GGTA1: variants seen among roughly 807,000 people sequenced by gnomAD.
GGTA1 encodes glycoprotein alpha-galactosyltransferase 1 (inactive), also known as inactive N-acetyllactosaminide alpha-1,3-galactosyltransferase.
A neutral mutation model predicts 2.6 loss-of-function variants in GGTA1; 5 were observed. The ratio of observed to expected loss-of-function variants is 1.92; its 90% CI spans 1.00 to 4.04. The LOEUF (loss-of-function observed/expected upper bound fraction) is 4.04, where lower values mean the gene tolerates loss of function less well. Ranked by LOEUF, GGTA1 falls within the 30% of genes most tolerant of loss-of-function variation. The probability of loss-of-function intolerance (pLI) is 0.00; values close to 1 mark genes in which losing one functional copy is unlikely to be tolerated. For synonymous variants in GGTA1, 17 were observed against 5.0 expected (o/e 3.38, Z -3.19); for missense variants, 50 against 16.7 (o/e 2.99, Z -3.47).
At chr9:121,497,088 G>T (rs1327781643) in intron 1 of GGTA1, among the ~76,000 whole-genome samples, 1 of 152,046 alleles carries the variant, frequency 6.6e-6, no homozygotes, top group African/African-American at 2.4e-5. Context: ...AGCTACTTGG[G>T]AGGCTGAGGT....
At chr9:121,493,633 G>C (rs925741783) in intron 1 of GGTA1, among the ~76,000 whole-genome samples, 9 of 147,254 alleles carry the variant, frequency 6.1e-5, no homozygotes, top group African/African-American at 2.2e-4. Flanking sequence ...TCTGATCTCT[G>C]TCAGCCGCTG....
chr9:121,465,464 A>G (rs550588004), intron 2 of GGTA1, among the ~76,000 whole-genome samples: 20 of 152,342 alleles, frequency 1.3e-4, no homozygotes, highest in African/African-American at 4.8e-4. Context: ...TCTCTTCAAA[A>G]TTCGTATGTG....
Position 121,476,185 on chromosome 9 carries a change from T to A in GGTA1, c.-9-8254A>T, listed in dbSNP as rs1419248848. 2.6e-5 allele frequency among the ~76,000 whole-genome samples: 4 copies of A among 152,124 alleles called. No individual in the cohort carries two copies. The highest frequency in any genetic ancestry group is 4.4e-5 in the Non-Finnish European group (3 of 68,014). ...GGGGAATCTTGATGGGCAGCATCTCTCAGAACAGTCAGGAGCGAGTCCACA... is the reference window on the plus strand; with the variant it reads ...GGGGAATCTTGATGGGCAGCATCTCACAGAACAGTCAGGAGCGAGTCCACA... On this transcript the variant is annotated intron_variant, in intron 1 of 5. Transcript: ENST00000481799. The surrounding 1 kb of genome is among the most constrained non-coding windows in gnomAD (Gnocchi z 4.6).
chr9:121,480,061 C>CTTTTCTTTTCT (rs58602847), intron 1 of GGTA1, among the ~76,000 whole-genome samples: 3 of 139,858 alleles, frequency 2.1e-5, no homozygotes, highest in Non-Finnish European at 4.6e-5. Flanking sequence ...CTTTTCTTTT[C>CTTTTCTTTTCT]TTTTTTTTTT....
chr9:121,499,118 C>T (rs1362937455), intron 1 of GGTA1, among the ~76,000 whole-genome samples: 1 of 152,046 alleles, frequency 6.6e-6, no homozygotes, highest in Non-Finnish European at 1.5e-5. Flanking sequence ...GTCCTCGGCT[C>T]TCCGAAGCTC....
At chr9:121,452,551 C>T (rs1015627125), downstream of GGTA1, among the ~76,000 whole-genome samples, 3 of 151,600 alleles carry the variant, frequency 2.0e-5, no homozygotes, top group Non-Finnish European at 2.9e-5. Context: ...ACAGATCTCG[C>T]TCTGTCACCC....
rs1485344514 is a variant in GGTA1 at position 121,457,906 on chromosome 9, G to A, written c.299-2065C>T. Among the ~76,000 whole-genome samples, 26 of 34,932 alleles carry A rather than the reference G, an allele frequency of 7.4e-4. No individual in the cohort carries two copies. In the South Asian group the frequency reaches 0.041, roughly 55 times the overall value. 22.9% of individuals were successfully genotyped at this position (34,932 alleles called of 152,430 possible). On this transcript the variant is annotated intron_variant, in intron 5 of 5. Coordinates refer to ENST00000481799, the MANE Select transcript of GGTA1 (RefSeq NM_001382585.1). Reference sequence around the variant, plus strand: ...GTGGTTTTAGGTAGTTTACAGAAAAGGATACTTTTTTTTTTTTTTTTGAGA... The same window carrying A: ...GTGGTTTTAGGTAGTTTACAGAAAAAGATACTTTTTTTTTTTTTTTTGAGA...
chr9:121,454,094 C>T (rs1483956414), downstream of GGTA1, among the ~76,000 whole-genome samples: 1 of 152,180 alleles, frequency 6.6e-6, no homozygotes, highest in Non-Finnish European at 1.5e-5. Context: ...AGGGGAAACA[C>T]TTTCAGGGTG....
At chr9:121,470,838 T>C (rs1828371982) in intron 1 of GGTA1, among the ~76,000 whole-genome samples, 1 of 152,280 alleles carries the variant, frequency 6.6e-6, no homozygotes, top group Non-Finnish European at 1.5e-5. Context: ...CCAGCCATTA[T>C]TCTGGAGGTC....
intron 1 of GGTA1, among the ~76,000 whole-genome samples, chr9:121,489,522 T>C (rs1363359028): frequency 6.6e-6 from 1 of 152,220 alleles, no homozygotes; most frequent in African/African-American, 2.4e-5. Flanking sequence ...ACATCTATTG[T>C]ATCTAGTCAG....
At chr9:121,492,240 G>C (rs1234949554) in intron 1 of GGTA1, among the ~76,000 whole-genome samples, 1 of 152,114 alleles carries the variant, frequency 6.6e-6, no homozygotes, top group Non-Finnish European at 1.5e-5. Context: ...TCCATTTCCT[G>C]TGTGTTTAGA....
At chr9:121,461,417 T>TA (rs1436089078) in intron 3 of GGTA1, 100 bp from the exon 4 acceptor site, 2 of 389,166 alleles carry the variant, frequency 5.1e-6, no homozygotes, top group Admixed American at 3.5e-5. Flanking sequence ...TTTAAAAAAA[T>TA]AAAAAACCTT....
chr9:121,450,193 G>T (rs1210341362), downstream of GGTA1, among the ~76,000 whole-genome samples: 1 of 152,128 alleles, frequency 6.6e-6, no homozygotes, highest in African/African-American at 2.4e-5. Flanking sequence ...TTCTTTAAAT[G>T]AAGAGAATAT....
intron 1 of GGTA1, among the ~76,000 whole-genome samples, chr9:121,473,635 A>G (rs1408429949): frequency 6.6e-6 from 1 of 152,148 alleles, no homozygotes; most frequent in African/African-American, 2.4e-5. Context: ...AGTAAGAAAC[A>G]TGGGTTTGGG....
chr9:121,499,315 T>C lies in GGTA1; in HGVS notation c.-10+335A>G, dbSNP rs893242207. On this transcript the variant is annotated intron_variant, in intron 1 of 5. Transcript: ENST00000481799. ...ACTCACTGCGACTTACTTGGTCGCA[T>C]CCTGTGTCCCCTGCGTCTCCCCTCT... Among the ~76,000 whole-genome samples the C allele has an allele frequency of 2.6e-5, 4 of 152,118 alleles. No homozygotes were observed. In the East Asian group the frequency reaches 7.8e-4, roughly 30 times the overall value.
intron 2 of GGTA1, among the ~76,000 whole-genome samples, chr9:121,464,077 C>T (rs1226678626): frequency 6.6e-6 from 1 of 152,182 alleles, no homozygotes; most frequent in Non-Finnish European, 1.5e-5. Flanking sequence ...CCTCAACAAC[C>T]CTTCTCCTTA....
chr9:121,465,964 G>A (rs1269510214), intron 2 of GGTA1, among the ~76,000 whole-genome samples: 3 of 152,070 alleles, frequency 2.0e-5, no homozygotes, highest in Admixed American at 1.3e-4. Flanking sequence ...CACCCAGGCT[G>A]GAGTGCAGTG....
At chr9:121,484,381 A>AT (rs1828713829) in intron 1 of GGTA1, among the ~76,000 whole-genome samples, 1 of 150,982 alleles carries the variant, frequency 6.6e-6, no homozygotes, top group Admixed American at 6.6e-5. Context: ...TTTTTTTGAG[A>AT]CGGAGTCTCG....
chr9:121,465,438 C>T (rs561732290), intron 2 of GGTA1, among the ~76,000 whole-genome samples: 29 of 152,318 alleles, frequency 1.9e-4, no homozygotes, highest in Non-Finnish European at 4.1e-4. Flanking sequence ...ATGACTGTTA[C>T]GAAGTGAATG....
Sources: allele counts gnomAD v4.1 joint callset (sites outside exome capture counted in the v4.1 genomes callset), GRCh38; gene constraint gnomAD v4.1.1; non-coding constraint Gnocchi (gnomAD v3.1); transcripts MANE v1.5; gene names NCBI Gene and HGNC (gene_info 2026-07-23, HGNC 2026-07-21).